NR3C1: variants seen among roughly 807,000 people sequenced by gnomAD.
NR3C1 encodes glucocorticoid receptor.
Under a neutral mutation model 74.0 loss-of-function variants are expected in NR3C1, and 14 were observed. That is an observed-to-expected ratio of 0.19 (90% CI 0.12 to 0.30). The LOEUF is 0.30. NR3C1 is among the 10% of genes least tolerant of loss of function. NR3C1 has a pLI of 1.00. For missense variants in NR3C1, 695 were observed against 909.8 expected (o/e 0.76, Z 3.04); for synonymous variants, 308 against 332.5 (o/e 0.93, Z 0.80).
intron 1 of NR3C1, among the ~76,000 whole-genome samples, chr5:143,424,528 CT>C (rs1751430892): frequency 1.3e-5 from 2 of 152,102 alleles, no homozygotes; most frequent in South Asian, 4.1e-4. Context: ...AAAATAAAAA[CT>C]TTTTAAAAGA....
chr5:143,365,305 T>G (rs1349147176), intron 2 of NR3C1, among the ~76,000 whole-genome samples: 3 of 152,146 alleles, frequency 2.0e-5, no homozygotes, highest in Admixed American at 6.5e-5. Context: ...AGATTCACCT[T>G]AGACTCAAGA....
chr5:143,407,367 A>C (rs1362849775), upstream of NR3C1: 1 of 152,224 alleles, frequency 6.6e-6, no homozygotes, highest in Non-Finnish European at 1.5e-5. Flanking sequence ...TTGTGTTTAA[A>C]CATCTGAGTG....
chr5:143,351,625 A>T (rs536231160), intron 2 of NR3C1, among the ~76,000 whole-genome samples: 67 of 152,282 alleles, frequency 4.4e-4, no homozygotes, highest in Middle Eastern at 3.4e-3. Context: ...GAGAAAAAAA[A>T]TGGTGTTTTA....
intron 8 of NR3C1, 59 bp from the exon 9 acceptor site, chr5:143,282,100 T>A: frequency 6.3e-7 from 1 of 1,586,494 alleles, no homozygotes; most frequent in Non-Finnish European, 8.7e-7. Flanking sequence ...GAACATCTCA[T>A]GTTTGTTGTC....
chr5:143,396,073 T>C (rs1171728106), intron 2 of NR3C1, among the ~76,000 whole-genome samples: 1 of 151,772 alleles, frequency 6.6e-6, no homozygotes, highest in Non-Finnish European at 1.5e-5. Flanking sequence ...CAAAATAACA[T>C]ATGAATTATG....
Position 143,389,476 on chromosome 5 carries a change from C to T in NR3C1, c.1184+10180G>A, listed in dbSNP as rs577879451. On this transcript the variant is annotated intron_variant, in intron 2 of 8. Coordinates refer to ENST00000394464, the MANE Select transcript of NR3C1 (RefSeq NM_000176.3). Reference sequence around the variant, plus strand: ...ACAAAAATCAAATTTAGCCAGGCACCAGAATTGAAGTTTAGAATTTTCATT... The same window carrying T: ...ACAAAAATCAAATTTAGCCAGGCACTAGAATTGAAGTTTAGAATTTTCATT... Among the ~76,000 whole-genome samples, 201 of 152,276 alleles carry T rather than the reference C, an allele frequency of 1.3e-3. 4 individuals are homozygous for T. The South Asian group carries it at 0.04, about 31-fold the overall frequency.
chr5:143,320,068 T>C (rs1823019325), intron 2 of NR3C1, among the ~76,000 whole-genome samples: 1 of 152,224 alleles, frequency 6.6e-6, no homozygotes, highest in Admixed American at 6.5e-5. Context: ...CTTATCTTTG[T>C]TCATTAGGAA....
intron 2 of NR3C1, among the ~76,000 whole-genome samples, chr5:143,362,756 G>A (rs1313925632): frequency 6.6e-6 from 1 of 152,156 alleles, no homozygotes; most frequent in East Asian, 1.9e-4. Context: ...CTTAGAACTG[G>A]CTTAGTGCTT....
At chr5:143,394,959 A>G (rs2151926163) in intron 2 of NR3C1, among the ~76,000 whole-genome samples, 1 of 152,050 alleles carries the variant, frequency 6.6e-6, no homozygotes, top group Non-Finnish European at 1.5e-5. Flanking sequence ...TCCACTGGAA[A>G]TTCTGTATTT....
chr5:143,369,797 T>C (rs780982486), intron 2 of NR3C1, among the ~76,000 whole-genome samples: 26 of 152,200 alleles, frequency 1.7e-4, no homozygotes, highest in Admixed American at 2.6e-4. Context: ...TGAAGTTTAA[T>C]CTATTAAAAA....
At position 143,295,607 on chromosome 5, in the gene NR3C1, G is replaced by GCA; in HGVS notation, c.1893-19_1893-18dup. ...ATTCTCTGCCTGTGAAAGATAAATA[G>GCA]CAGGGTATTAGTTAGAAATACTGCT... On this transcript the variant is annotated splice_polypyrimidine_tract_variant and intron_variant, in intron 6 of 8. Transcript: ENST00000394464. 1 of 1,601,900 alleles carries GCA rather than the reference G, an allele frequency of 6.2e-7. No individual in the cohort carries two copies. Among genetic ancestry groups the GCA allele is most frequent in the Middle Eastern group, 1.7e-4 (1 of 6,026 alleles).
chr5:143,295,042 GA>G lies in NR3C1; in HGVS notation c.2023+417del, dbSNP rs1286240462. 4 of 985,210 alleles carry G rather than the reference GA, an allele frequency of 4.1e-6. No homozygotes were observed. The Admixed American group carries it at 2.5e-4, about 61-fold the overall frequency. The allele number at this position is 985,210 out of a possible 1,614,324, so 61.0% of individuals were successfully genotyped here. On this transcript the variant is annotated intron_variant, in intron 7 of 8. Transcript: ENST00000394464. Reference sequence around the variant, plus strand: ...TAGTAATTAAGCACACCTTTTCTAGGATGCGCCTTTTTCTCCCATAATTTCT... The same window carrying G: ...TAGTAATTAAGCACACCTTTTCTAGGTGCGCCTTTTTCTCCCATAATTTCT...
chr5:143,358,014 G>A (rs1831487376), intron 2 of NR3C1, among the ~76,000 whole-genome samples: 1 of 152,182 alleles, frequency 6.6e-6, no homozygotes, highest in African/African-American at 2.4e-5. Context: ...CAAGCCAAAC[G>A]ATAGTTCTTT....
intron 4 of NR3C1, among the ~76,000 whole-genome samples, chr5:143,303,567 C>T (rs1561516144): frequency 1.3e-5 from 2 of 151,576 alleles, no homozygotes; most frequent in Non-Finnish European, 3.0e-5. Flanking sequence ...AGGGCCTCAT[C>T]CCTAACTTAT....
intron 2 of NR3C1, among the ~76,000 whole-genome samples, chr5:143,393,992 C>T (rs780613066): frequency 4.6e-5 from 7 of 151,826 alleles, no homozygotes; most frequent in African/African-American, 9.7e-5. Flanking sequence ...TAAGATAATG[C>T]GTAAACATTT....
intron 2 of NR3C1, among the ~76,000 whole-genome samples, chr5:143,350,798 A>G (rs1423998226): frequency 6.6e-6 from 1 of 152,206 alleles, no homozygotes; most frequent in Non-Finnish European, 1.5e-5. Flanking sequence ...GAGAAGTAGA[A>G]GGAGGAAAAC....
At chr5:143,355,514 G>A (rs897097471) in intron 2 of NR3C1, among the ~76,000 whole-genome samples, 1 of 151,446 alleles carries the variant, frequency 6.6e-6, no homozygotes, top group African/African-American at 2.4e-5. Context: ...CATCTAATGG[G>A]GGAAAAACTC....
Position 143,300,787 on chromosome 5 carries a change from T to A in NR3C1, c.1469-24A>T, listed in dbSNP as rs764102275. 6.8e-6 allele frequency: 11 copies of A among 1,606,944 alleles called. No homozygotes were observed. The East Asian group carries it at 2.5e-4, about 36-fold the overall frequency. Reference sequence around the variant, plus strand: ...AGCTGTGGGTATTTAAACAAATACATAGAAATGAACTGTAATGGGAAGGTC... The same window carrying A: ...AGCTGTGGGTATTTAAACAAATACAAAGAAATGAACTGTAATGGGAAGGTC... On this transcript the variant is annotated intron_variant, in intron 4 of 8. Transcript: ENST00000394464. This position sits in a 1 kb window ranked among gnomAD's most constrained non-coding sequence, Gnocchi z 5.2.
chr5:143,422,339 C>A (rs1263612343), intron 1 of NR3C1, among the ~76,000 whole-genome samples: 1 of 152,144 alleles, frequency 6.6e-6, no homozygotes, highest in African/African-American at 2.4e-5. Flanking sequence ...AGAACATGAC[C>A]AAAGAGCCAG....
Sources: allele counts gnomAD v4.1 joint callset (sites outside exome capture counted in the v4.1 genomes callset), GRCh38; gene constraint gnomAD v4.1.1; non-coding constraint Gnocchi (gnomAD v3.1); transcripts MANE v1.5; gene names NCBI Gene and HGNC (gene_info 2026-07-23, HGNC 2026-07-21).